Variants in ARFIP1 observed in about 807,000 individuals in gnomAD.
The protein encoded by ARFIP1 is arfaptin-1.
In ARFIP1, 24 loss-of-function variants were observed where a neutral mutation model predicts 42.5. That is an observed-to-expected ratio of 0.57 (90% confidence interval 0.41 to 0.80). The LOEUF (loss-of-function observed/expected upper bound fraction) is 0.80, where lower values mean the gene tolerates loss of function less well. Among genes scored for constraint, ARFIP1 ranks in the 30% least tolerant of loss-of-function variants. The pLI, the probability that ARFIP1 is intolerant of heterozygous loss-of-function variation, is 0.00. For missense variants in ARFIP1, 354 were observed against 434.0 expected, an observed-to-expected ratio of 0.82 and a Z score of 1.64; for synonymous variants, 141 against 153.7, an observed-to-expected ratio of 0.92 and a Z score of 0.61.
chr4:152,893,127 A>G (rs894439291), intron 8 of ARFIP1, among the ~76,000 whole-genome samples: 3 of 152,222 alleles, frequency 2.0e-5, no homozygotes, highest in African/African-American at 7.2e-5. Flanking sequence ...GCCCTCATAA[A>G]GCCTAGCAAT....
At chr4:152,878,689 A>G (rs1735571760) in intron 5 of ARFIP1, among the ~76,000 whole-genome samples, 1 of 152,124 alleles carries the variant, frequency 6.6e-6, no homozygotes, top group Non-Finnish European at 1.5e-5. Flanking sequence ...AACAAAAAAC[A>G]TTTCCTCATT....
chr4:152,879,726 C>G (rs1309369918), intron 5 of ARFIP1, among the ~76,000 whole-genome samples: 1 of 151,970 alleles, frequency 6.6e-6, no homozygotes, highest in African/African-American at 2.4e-5. Flanking sequence ...TCGCATGCCT[C>G]TAATCCCAGC....
chr4:152,861,168 A>G (rs1733859850), intron 2 of ARFIP1, among the ~76,000 whole-genome samples: 1 of 152,204 alleles, frequency 6.6e-6, no homozygotes, highest in Non-Finnish European at 1.5e-5. Flanking sequence ...AAGTTTAGTG[A>G]TAGAGATTCA....
chr4:152,801,966 C>G (rs1728457403), intron 1 of ARFIP1, among the ~76,000 whole-genome samples: 1 of 152,132 alleles, frequency 6.6e-6, no homozygotes. Context: ...GTCCATGTCT[C>G]TTAATATGTT....
At chr4:152,807,153 C>T (rs1729052470) in intron 1 of ARFIP1, 1 of 150,756 alleles carries the variant, frequency 6.6e-6, no homozygotes, top group Non-Finnish European at 1.5e-5. Context: ...ATGGATATAC[C>T]ACAATTTGTT....
At position 152,888,192 on chromosome 4, in the gene ARFIP1, C is replaced by T; in HGVS notation, c.851C>T (p.Ala284Val). The change falls in exon 8 of 9, where the codon GCA (alanine) becomes GTA (valine). Residue 284 changes from alanine to valine, a missense_variant. Coordinates refer to ENST00000353617, the MANE Select transcript of ARFIP1 (RefSeq NM_001025595.3). ...GAACTGAATCTTGGACCACGTGACGCAAACACTCTGCCAAAGATTGAGCAG... is the reference window on the plus strand; with the variant it reads ...GAACTGAATCTTGGACCACGTGACGTAAACACTCTGCCAAAGATTGAGCAG... ...LEELNLGPRD[A>V]NTLPKIEQSQ... 1 of 1,612,044 alleles carries T rather than the reference C, an allele frequency of 6.2e-7. No individual in the cohort carries two copies. The highest frequency in any genetic ancestry group is 2.2e-5 in the East Asian group (1 of 44,830).
intron 3 of ARFIP1, among the ~76,000 whole-genome samples, chr4:152,868,976 G>C (rs753921318): frequency 2.0e-5 from 3 of 152,132 alleles, no homozygotes; most frequent in Admixed American, 1.3e-4. Context: ...CAGTTTAGTT[G>C]ATTTCCATCA....
intron 1 of ARFIP1, among the ~76,000 whole-genome samples, chr4:152,804,280 C>T (rs28394738): frequency 0.027 from 1,490 of 55,834 alleles, 498 homozygotes; most frequent in Middle Eastern, 0.062. Flanking sequence ...ATATATATAA[C>T]ATAACATGTA....
chr4:152,836,449 A>G (rs1410470770), intron 2 of ARFIP1, among the ~76,000 whole-genome samples: 1 of 152,236 alleles, frequency 6.6e-6, no homozygotes, highest in African/African-American at 2.4e-5. Flanking sequence ...GGAGAAAAAA[A>G]GACTATCCTT....
At chr4:152,794,211 C>G (rs971910767) in intron 1 of ARFIP1, among the ~76,000 whole-genome samples, 1 of 152,126 alleles carries the variant, frequency 6.6e-6, no homozygotes, top group African/African-American at 2.4e-5. Context: ...AAATTTTCAA[C>G]TACTGTCTGT....
chr4:152,903,490 T>C (rs1193328326), intron 8 of ARFIP1, among the ~76,000 whole-genome samples: 1 of 152,142 alleles, frequency 6.6e-6, no homozygotes, highest in Non-Finnish European at 1.5e-5. Context: ...TGGAGTTTTT[T>C]TTTTTCTTTT....
chr4:152,802,000 G>C (rs1401649967), intron 1 of ARFIP1, among the ~76,000 whole-genome samples: 1 of 152,148 alleles, frequency 6.6e-6, no homozygotes, highest in Non-Finnish European at 1.5e-5. Flanking sequence ...ATTTCATTAA[G>C]TAGGCTTATT....
At chr4:152,844,276 G>A (rs1164569560) in intron 2 of ARFIP1, among the ~76,000 whole-genome samples, 1 of 152,200 alleles carries the variant, frequency 6.6e-6, no homozygotes, top group African/African-American at 2.4e-5. Flanking sequence ...GGTGTCTCCT[G>A]GGTCCTCCGG....
intron 1 of ARFIP1, among the ~76,000 whole-genome samples, chr4:152,824,677 A>G (rs1323662623): frequency 6.6e-6 from 1 of 152,212 alleles, no homozygotes; most frequent in Non-Finnish European, 1.5e-5. Context: ...ATATTATAGT[A>G]CTAGAAGTCC....
chr4:152,828,460 A>G (rs1731010863), intron 1 of ARFIP1, among the ~76,000 whole-genome samples: 1 of 152,228 alleles, frequency 6.6e-6, no homozygotes, highest in Non-Finnish European at 1.5e-5. Context: ...CCCTTATGAC[A>G]TATGATGTTG....
chr4:152,841,829 A>G (rs1283774084), intron 2 of ARFIP1, among the ~76,000 whole-genome samples: 1 of 151,968 alleles, frequency 6.6e-6, no homozygotes, highest in East Asian at 1.9e-4. Flanking sequence ...GATTCTTTCT[A>G]CCTCTGGACC....
chr4:152,792,316 AT>A, intron 1 of ARFIP1, among the ~76,000 whole-genome samples: 1 of 152,318 alleles, frequency 6.6e-6, no homozygotes, highest in South Asian at 2.1e-4. Flanking sequence ...TTGAAGACTC[AT>A]ATTTTATCAT....
intron 2 of ARFIP1, among the ~76,000 whole-genome samples, chr4:152,841,794 T>G: frequency 6.6e-6 from 1 of 152,160 alleles, no homozygotes; most frequent in East Asian, 1.9e-4. Context: ...TAGGTAACCT[T>G]GTGCTTCTGT....
chr4:152,868,770 TAC>T (rs1734622145), intron 3 of ARFIP1, among the ~76,000 whole-genome samples: 1 of 152,192 alleles, frequency 6.6e-6, no homozygotes, highest in African/African-American at 2.4e-5. Context: ...ACGGTAGAGA[TAC>T]AGTCTTTGTT....
Sources: allele counts gnomAD v4.1 joint callset (sites outside exome capture counted in the v4.1 genomes callset), GRCh38; gene constraint gnomAD v4.1.1; transcripts MANE v1.5; gene names NCBI Gene and HGNC (gene_info 2026-07-23, HGNC 2026-07-21).